ZNF782: variants seen among roughly 807,000 people sequenced by gnomAD.
ZNF782 encodes the protein zinc finger protein 782.
In ZNF782, 12 loss-of-function variants were observed where a neutral mutation model predicts 13.0. That is an observed-to-expected ratio of 0.92 (90% CI 0.59 to 1.50). ZNF782 has a LOEUF of 1.50. Among genes scored for constraint, ZNF782 ranks in the 40% most tolerant of loss-of-function variants. The probability of loss-of-function intolerance (pLI) is 0.00; values close to 1 mark genes in which losing one functional copy is unlikely to be tolerated. For missense variants in ZNF782, 770 were observed against 822.9 expected (o/e 0.94, Z 0.79); for synonymous variants, 284 against 283.0 (o/e 1.00, Z -0.04).
upstream of ZNF782, among the ~76,000 whole-genome samples, chr9:96,857,538 T>C (rs116453374): frequency 4.6e-3 from 707 of 152,362 alleles, 8 homozygotes; most frequent in African/African-American, 0.016. Context: ...CAGATTTACA[T>C]AGAAAGACTT....
At position 96,852,927 on chromosome 9, in the gene ZNF782, C is replaced by G. The variant is rs1471784023; in HGVS notation, c.-119G>C. 2 of 152,636 alleles carry G rather than the reference C, an allele frequency of 1.3e-5. No homozygotes were observed. Among genetic ancestry groups the G allele is most frequent in the African/African-American group, 4.8e-5 (2 of 41,442 alleles). The allele number at this position is 152,636 out of a possible 1,614,324, so 9.5% of individuals were successfully genotyped here. A position where few individuals can be genotyped will look rare whatever the true frequency, so the allele number is the denominator to read the frequency against. ...AGGGATCCCCGGAAACTCACTGAAC[C>G]TTTCATGCCCAATGTCTTTAAAGCT... On this transcript the variant is annotated 5_prime_UTR_variant, in exon 2 of 6. Coordinates refer to ENST00000481138, the MANE Select transcript of ZNF782 (RefSeq NM_001001662.3).
At position 96,819,218 on chromosome 9, in the gene ZNF782, T is replaced by A. The variant is rs576099002; in HGVS notation, c.805A>T (p.Ser269Cys). 11 of 1,611,148 alleles carry A rather than the reference T, an allele frequency of 6.8e-6. No homozygotes were observed. In the South Asian group the frequency reaches 1.1e-4, roughly 16 times the overall value. ...CCAGTATCATTAAACTCATAGTGAC[T>A]CTTCTCTGGATTCATGTTCTGAGGA... ...IIPQNMNPEK[S>C]HYEFNDTGNC... The change falls in exon 6 of 6, where the codon AGT becomes TGT. Residue 269 changes from serine to cysteine, a missense_variant. By Grantham distance (112) the Ser-to-Cys change is moderately radical. Transcript: ENST00000481138.
intron 5 of ZNF782, among the ~76,000 whole-genome samples, chr9:96,820,203 G>C (rs1022605374): frequency 1.3e-5 from 2 of 152,128 alleles, no homozygotes; most frequent in Non-Finnish European, 2.9e-5. Flanking sequence ...TCTGAGACAG[G>C]GTTTGCCGTA....
the ZNF782 span, among the ~76,000 whole-genome samples, chr9:96,927,547 C>T: frequency 1.3e-5 from 2 of 152,126 alleles, no homozygotes; most frequent in Non-Finnish European, 2.9e-5. Flanking sequence ...CTTGAGTCTC[C>T]TTACTGCAAG....
the ZNF782 span, among the ~76,000 whole-genome samples, chr9:96,887,196 C>T: frequency 1.3e-5 from 2 of 151,300 alleles, no homozygotes; most frequent in East Asian, 3.9e-4. Context: ...CGCCTGTAAT[C>T]CCAGCTACTC....
intron 3 of ZNF782, among the ~76,000 whole-genome samples, chr9:96,851,103 C>T (rs1851473367): frequency 6.6e-6 from 1 of 151,908 alleles, no homozygotes; most frequent in South Asian, 2.1e-4. Context: ...TATACCTTGT[C>T]TCTCTGTACA....
chr9:96,932,540 G>C, the ZNF782 span: 1 of 1,318,178 alleles, frequency 7.6e-7, no homozygotes, highest in Non-Finnish European at 1.1e-6. Context: ...GATGGGTTGT[G>C]CTATGGGAAG....
chr9:96,880,743 T>C, the ZNF782 span, among the ~76,000 whole-genome samples: 3 of 152,168 alleles, frequency 2.0e-5, no homozygotes, highest in African/African-American at 7.2e-5. Context: ...GGTCTATAGT[T>C]TTCCTTCTTT....
At chr9:96,862,535 C>G (rs1037289057) in intron 1 of ZNF782, among the ~76,000 whole-genome samples, 3 of 152,130 alleles carry the variant, frequency 2.0e-5, no homozygotes, top group African/African-American at 4.8e-5. Context: ...GACTGTCATT[C>G]AGAATTACCA....
chr9:96,912,539 A>AT, the ZNF782 span, among the ~76,000 whole-genome samples: 1 of 137,314 alleles, frequency 7.3e-6, no homozygotes, highest in Non-Finnish European at 1.5e-5. Flanking sequence ...TTTTCCTTTT[A>AT]TTTTTTTGAG....
At chr9:96,846,134 C>G (rs960916706) in intron 3 of ZNF782, among the ~76,000 whole-genome samples, 1 of 152,146 alleles carries the variant, frequency 6.6e-6, no homozygotes, top group African/African-American at 2.4e-5. Context: ...TTATTTCAGA[C>G]AAATGCATGC....
chr9:96,881,991 G>GAACTAT, the ZNF782 span, among the ~76,000 whole-genome samples: 2 of 13,596 alleles, frequency 1.5e-4, no homozygotes, highest in Admixed American at 1.2e-3. Context: ...AAGTATGAGT[G>GAACTAT]TGTGTGTGTG....
At chr9:96,910,786 G>A in the ZNF782 span, among the ~76,000 whole-genome samples, 16 of 147,920 alleles carry the variant, frequency 1.1e-4, no homozygotes, top group East Asian at 2.0e-4. Flanking sequence ...ACAGGCGCCC[G>A]CCACGACACC....
At position 96,817,993 on chromosome 9, in the gene ZNF782, T is replaced by A. The variant is rs768329882; in HGVS notation, c.2030A>T (p.Asp677Val). ...TTGACTGAAAGTTCTCCCACATTTA[T>A]CACATTTATAGGGTTTCTCCCCTGT... Reference protein sequence around the residue: ...THTGEKPYKCDKCGRTFSQKS... With the variant: ...THTGEKPYKCVKCGRTFSQKS... Residue 677 changes from aspartate to valine, a missense_variant, in exon 6 of 6, where the codon GAT becomes GTT. Asp to Val is a radical substitution (Grantham distance 152, BLOSUM62 -3). Coordinates refer to ENST00000481138, the MANE Select transcript of ZNF782 (RefSeq NM_001001662.3). 3.7e-6 allele frequency: 6 copies of A among 1,608,750 alleles called. No homozygotes were observed. The African/African-American group carries it at 6.7e-5, about 18-fold the overall frequency.
At chr9:96,837,166 G>A (rs909831360) in intron 4 of ZNF782, among the ~76,000 whole-genome samples, 1 of 152,110 alleles carries the variant, frequency 6.6e-6, no homozygotes, top group African/African-American at 2.4e-5. Flanking sequence ...TTCTCGCCTA[G>A]CCCTTAGAAT....
upstream of ZNF782, among the ~76,000 whole-genome samples, chr9:96,855,646 C>T (rs960466292): frequency 6.6e-6 from 1 of 152,154 alleles, no homozygotes; most frequent in Non-Finnish European, 1.5e-5. Flanking sequence ...TTTCTTTATC[C>T]AGTTGTTGAT....
chr9:96,889,251 T>A, the ZNF782 span: 14 of 152,328 alleles, frequency 9.2e-5, no homozygotes, highest in African/African-American at 3.1e-4. Flanking sequence ...CTTTCAGGAC[T>A]GGACATGAAA....
At chr9:96,887,711 T>C in the ZNF782 span, 1 of 152,092 alleles carries the variant, frequency 6.6e-6, no homozygotes, top group African/African-American at 2.4e-5. Flanking sequence ...ATAAAGACAC[T>C]TGCACACGTA....
At chr9:96,923,199 T>C in the ZNF782 span, among the ~76,000 whole-genome samples, 2 of 150,020 alleles carry the variant, frequency 1.3e-5, 1 homozygote, top group South Asian at 4.3e-4. Context: ...TCAATACTCA[T>C]GGAGTTCCCT....
Sources: allele counts gnomAD v4.1 joint callset (sites outside exome capture counted in the v4.1 genomes callset), GRCh38; gene constraint gnomAD v4.1.1; transcripts MANE v1.5; gene names NCBI Gene and HGNC (gene_info 2026-07-23, HGNC 2026-07-21).